BRSK2: variants seen among roughly 807,000 people sequenced by gnomAD.
The protein encoded by BRSK2 is BR serine/threonine kinase 2, also known as serine/threonine-protein kinase BRSK2.
Under a neutral mutation model 83.3 loss-of-function variants are expected in BRSK2, and 19 were observed. The observed-to-expected ratio is 0.23, with a 90% CI of 0.16 to 0.33. BRSK2 has a LOEUF of 0.33. Ranked by LOEUF, BRSK2 falls within the 10% of genes least tolerant of loss-of-function variation. The pLI is 1.00. For missense variants in BRSK2, 798 were observed against 1,042.3 expected (o/e 0.77, Z 3.23); for synonymous variants, 519 against 435.4 (o/e 1.19, Z -2.39).
chr11:1,452,711 C>A (rs1331849703), intron 15 of BRSK2, among the ~76,000 whole-genome samples: 1 of 152,088 alleles, frequency 6.6e-6, no homozygotes, highest in African/African-American at 2.4e-5. Context: ...GACAGCCGTT[C>A]CCGAGGGTCC....
In BRSK2 at chr11:1,460,585, G is replaced by T; in HGVS notation, c.2073G>T (p.Thr691=). The T allele has an allele frequency of 6.5e-7, 1 of 1,530,972 alleles. No homozygotes were observed. Among genetic ancestry groups the T allele is most frequent in the Non-Finnish European group, 8.7e-7 (1 of 1,144,856 alleles). 94.8% of individuals were successfully genotyped at this position (1,530,972 alleles called of 1,614,324 possible). A position where few individuals can be genotyped will look rare whatever the true frequency, so the allele number is the denominator to read the frequency against. Residue 691 remains threonine, a synonymous_variant, in exon 20 of 20, where the codon ACG becomes ACT. Coordinates refer to ENST00000528841, the MANE Select transcript of BRSK2 (RefSeq NM_001256627.2). ...GGCAGGCGGCCCAGGCCCCCAGCAC[G>T]CCCGCCAAGCGGAGTGCCCACGGCC... ...KNGQAAQAPS[T]PAKRSAHGPL...
intron 1 of BRSK2, among the ~76,000 whole-genome samples, chr11:1,408,297 T>A (rs2134091623): frequency 6.6e-6 from 1 of 152,298 alleles, no homozygotes; most frequent in South Asian, 2.1e-4. Context: ...CAGGAATCCA[T>A]CCAGCTCCTG....
intron 18 of BRSK2, 142 bp from the exon 19 acceptor site, chr11:1,459,050 C>T (rs2133295019): frequency 1.3e-6 from 1 of 795,282 alleles, no homozygotes; most frequent in Non-Finnish European, 2.1e-6. Flanking sequence ...TCTGGCCCCC[C>T]CAGTATTCCC....
intron 1 of BRSK2, among the ~76,000 whole-genome samples, chr11:1,422,037 C>T (rs916209521): frequency 8.6e-5 from 13 of 151,948 alleles, no homozygotes; most frequent in African/African-American, 2.9e-4. Context: ...GGGTGCCCCA[C>T]GGGGGGAGGG....
Position 1,423,536 on chromosome 11 carries a change from C to T in BRSK2, c.92-12504C>T, listed in dbSNP as rs1019869913. ...AGTCGTGTGAGCAGAGGACGGCACTCGCGAGCTCCCTGGGGCTCCTCAGAC... is the reference window on the plus strand; with the variant it reads ...AGTCGTGTGAGCAGAGGACGGCACTTGCGAGCTCCCTGGGGCTCCTCAGAC... On this transcript the variant is annotated intron_variant, in intron 1 of 19. Coordinates refer to ENST00000528841, the MANE Select transcript of BRSK2 (RefSeq NM_001256627.2). The surrounding 1 kb of genome is among the most constrained non-coding windows in gnomAD (Gnocchi z 6.5). 2.0e-5 allele frequency among the ~76,000 whole-genome samples: 3 copies of T among 152,082 alleles called. No individual in the cohort carries two copies. Among genetic ancestry groups the T allele is most frequent in the African/African-American group, 4.8e-5 (2 of 41,396 alleles).
chr11:1,419,410 T>C (rs937017480), intron 1 of BRSK2, among the ~76,000 whole-genome samples: 4 of 152,202 alleles, frequency 2.6e-5, no homozygotes, highest in Non-Finnish European at 5.9e-5. Flanking sequence ...CGGTGGTCTC[T>C]CTATGTCTTT....
chr11:1,448,364 G>A (rs1264712732), intron 12 of BRSK2, among the ~76,000 whole-genome samples: 2 of 152,314 alleles, frequency 1.3e-5, no homozygotes, highest in South Asian at 4.1e-4. Context: ...TGCCGGTCGG[G>A]GTCCTTCTCT....
chr11:1,445,160 C>G (rs1851847591), intron 9 of BRSK2, 134 bp from the exon 10 acceptor site: 2 of 1,467,088 alleles, frequency 1.4e-6, no homozygotes, highest in Admixed American at 3.7e-5. Context: ...GGGCAGGACG[C>G]AGGAGGCCTC....
At chr11:1,459,975 G>A (rs988518866) in intron 19 of BRSK2, among the ~76,000 whole-genome samples, 3 of 152,252 alleles carry the variant, frequency 2.0e-5, no homozygotes, top group Admixed American at 2.0e-4. Context: ...CATGCAGTGG[G>A]GCCAGCAGCT....
Position 1,436,145 on chromosome 11 carries a change from CCGGGGAGGGAGG to C in BRSK2, c.186+17_186+28del. On this transcript the variant is annotated intron_variant, in intron 2 of 19. Transcript: ENST00000528841. Reference sequence around the variant, plus strand: ...TCGGTGCTGATGAAGGTGGGTGGGGCCGGGGAGGGAGGCGGGGCCGGCGGTGGGGTGGGGCGG... The same window carrying C: ...TCGGTGCTGATGAAGGTGGGTGGGGCCGGGGCCGGCGGTGGGGTGGGGCGG... 1 of 196,990 alleles carries C rather than the reference CCGGGGAGGGAGG, an allele frequency of 5.1e-6. No homozygotes were observed. The highest frequency in any genetic ancestry group is 9.7e-6 in the Non-Finnish European group (1 of 103,208). 12.2% of individuals were successfully genotyped at this position (196,990 alleles called of 1,614,324 possible).
In BRSK2 at chr11:1,449,825, A is replaced by G. The variant is rs757572062; in HGVS notation, c.1276A>G (p.Ser426Gly). The G allele has an allele frequency of 1.9e-6, 3 of 1,611,638 alleles. No homozygotes were observed. The highest frequency in any genetic ancestry group is 2.2e-5 in the South Asian group (2 of 90,970). ...ASSGLSTSPL[S>G]SPRVTPHPSP... ...CTCAGGCCTTTCCACCAGCCCACTC[A>G]GCAGCCCCCGGGTGAGTGACCCCCC... Residue 426 changes from serine to glycine, a missense_variant, in exon 13 of 20, where the codon AGC becomes GGC. Transcript: ENST00000528841.
chr11:1,454,421 G>C lies in BRSK2; in HGVS notation c.1545-64G>C. 6.3e-7 allele frequency: 1 copy of C among 1,583,942 alleles called. No homozygotes were observed. Among genetic ancestry groups the C allele is most frequent in the Non-Finnish European group, 8.6e-7 (1 of 1,160,364 alleles). On this transcript the variant is annotated intron_variant, in intron 15 of 19. Transcript: ENST00000528841. This position sits in a 1 kb window ranked among gnomAD's most constrained non-coding sequence, Gnocchi z 5.2. ...TCCGCCGTTCCAACCCCAGATTCGA[G>C]GGAGGCAGGGGTGTGGACGGTGCCA...
In BRSK2 at chr11:1,456,625, T is replaced by G; in HGVS notation, c.1877T>G (p.Val626Gly). The change falls in exon 18 of 20, where the codon GTG becomes GGG. Residue 626 changes from valine (V) to glycine (G), a missense_variant. Physicochemically the swap from Val to Gly is moderately radical, Grantham distance 109. Coordinates refer to ENST00000528841, the MANE Select transcript of BRSK2 (RefSeq NM_001256627.2). ...SGPSRRFKRV[V>G]ETIQAQLLST... ...CCCAGCCGTCGCTTCAAGAGGGTGGTGGAGACCATCCAGGCCCAGCTGCTG... is the reference window on the plus strand; with the variant it reads ...CCCAGCCGTCGCTTCAAGAGGGTGGGGGAGACCATCCAGGCCCAGCTGCTG... The G allele has an allele frequency of 6.2e-7, 1 of 1,611,152 alleles. No individual in the cohort carries two copies. The highest frequency in any genetic ancestry group is 8.5e-7 in the Non-Finnish European group (1 of 1,179,414).
At chr11:1,405,016 T>TTGTAGGGG (rs1846747888) in intron 1 of BRSK2, among the ~76,000 whole-genome samples, 1 of 43,540 alleles carries the variant, frequency 2.3e-5, no homozygotes, top group African/African-American at 9.5e-5. Context: ...GGGGTGGGGG[T>TTGTAGGGG]GGCTCTCTGA....
At chr11:1,403,932 C>T (rs1472321195) in intron 1 of BRSK2, among the ~76,000 whole-genome samples, 7 of 152,192 alleles carry the variant, frequency 4.6e-5, no homozygotes, top group East Asian at 3.9e-4. Flanking sequence ...GGTGGCATCA[C>T]GGGAGTTGGG....
At chr11:1,409,565 G>C (rs1590349595) in intron 1 of BRSK2, 1 of 152,238 alleles carries the variant, frequency 6.6e-6, no homozygotes, top group Non-Finnish European at 1.5e-5. Flanking sequence ...GTTGGTGTCT[G>C]TGCGGTGTGG....
chr11:1,402,121 C>T (rs1223758144), intron 1 of BRSK2, among the ~76,000 whole-genome samples: 3 of 152,186 alleles, frequency 2.0e-5, no homozygotes. Flanking sequence ...GCTGAGGGTG[C>T]CCCTGCGTGT....
intron 1 of BRSK2, among the ~76,000 whole-genome samples, chr11:1,397,037 G>A (rs553608490): frequency 2.2e-4 from 34 of 152,378 alleles, no homozygotes; most frequent in African/African-American, 7.7e-4. Context: ...GCCCCTTGGG[G>A]CTCACATGGC....
chr11:1,405,014 G>GGGGGCTCTCTGAGGGGT (rs1846747128), intron 1 of BRSK2, among the ~76,000 whole-genome samples: 1 of 152,034 alleles, frequency 6.6e-6, no homozygotes, highest in African/African-American at 2.4e-5. Flanking sequence ...AGGGGGTGGG[G>GGGGGCTCTCTGAGGGGT]GTGGCTCTCT....
Sources: allele counts gnomAD v4.1 joint callset (sites outside exome capture counted in the v4.1 genomes callset), GRCh38; gene constraint gnomAD v4.1.1; non-coding constraint Gnocchi (gnomAD v3.1); transcripts MANE v1.5; gene names NCBI Gene and HGNC (gene_info 2026-07-23, HGNC 2026-07-21).